NFASC: variants seen among roughly 807,000 people sequenced by gnomAD.
NFASC encodes neurofascin.
Under a neutral mutation model 147.5 loss-of-function variants are expected in NFASC, and 43 were observed. The ratio of observed to expected loss-of-function variants is 0.29; its 90% CI spans 0.23 to 0.38. NFASC has a LOEUF of 0.38. Among genes scored for constraint, NFASC ranks in the 10% least tolerant of loss-of-function variants. The pLI, the probability that NFASC is intolerant of heterozygous loss-of-function variation, is 1.00. For missense variants in NFASC, 1,320 were observed against 1,689.0 expected (o/e 0.78, Z 3.83); for synonymous variants, 622 against 665.5 (o/e 0.93, Z 1.01).
intron 10 of NFASC, among the ~76,000 whole-genome samples, chr1:204,969,430 C>T (rs1268815776): frequency 1.3e-5 from 2 of 152,212 alleles, no homozygotes; most frequent in Non-Finnish European, 2.9e-5. Flanking sequence ...ACTTCCTTCC[C>T]CCCAAAGCAA....
At chr1:204,867,628 C>T (rs535292462) in intron 1 of NFASC, among the ~76,000 whole-genome samples, 2 of 152,200 alleles carry the variant, frequency 1.3e-5, no homozygotes, top group South Asian at 4.2e-4. Context: ...GGTATACATG[C>T]ACATTTAGAC....
At position 204,906,728 on chromosome 1, in the gene NFASC, G is replaced by A. The variant is rs536759946; in HGVS notation, c.-199-13904G>A. Among the ~76,000 whole-genome samples the A allele has an allele frequency of 5.3e-5, 8 of 151,784 alleles. No homozygotes were observed. The East Asian group carries it at 7.7e-4, about 15-fold the overall frequency. On this transcript the variant is annotated intron_variant, in intron 1 of 29. Transcript: ENST00000339876. The stretch of plus-strand genomic sequence containing the variant: ...GATGGAGTCTCGCTCTGTTGCCCAG[G>A]CTGGAGTGCAGTGGCGCGATCTCGG...
chr1:205,002,745 A>G lies in NFASC; in HGVS notation c.3286A>G (p.Thr1096Ala), dbSNP rs769794404. ...TACCGTCATCACCTTTATGACCAGTACAGGTGAGAGGGGACCTGGCCTGGC... is the reference window on the plus strand; with the variant it reads ...TACCGTCATCACCTTTATGACCAGTGCAGGTGAGAGGGGACCTGGCCTGGC... ...SSTVITFMTS[T>A]AYTNNQADIA... The change falls in exon 27 of 30, where the codon ACA becomes GCA. Residue 1096 changes from threonine to alanine, a missense_variant. Around this residue, in one of 3 missense-constraint regions of NFASC, gnomAD observed 167 missense variants for 233.8 expected, o/e 0.71. Transcript: ENST00000339876. 1.3e-6 allele frequency: 2 copies of G among 1,499,030 alleles called. No individual in the cohort carries two copies. Among genetic ancestry groups the G allele is most frequent in the East Asian group, 4.8e-5 (2 of 41,364 alleles). The allele number at this position is 1,499,030 out of a possible 1,614,324, so 92.9% of individuals were successfully genotyped here. A position where few individuals can be genotyped will look rare whatever the true frequency, so the allele number is the denominator to read the frequency against.
At position 204,997,354 on chromosome 1, in the gene NFASC, C is replaced by T; in HGVS notation, c.2967C>T (p.Thr989=). The part of the protein sequence containing the change: ...TTTTTTAAAT[T]TTESPPTTTS... ...CTACAACCACTGCTGCCGCCACCAC[C>T]ACCACGGAGAGTCCTCCCACCACCA... The change falls in exon 25 of 30, where the codon ACC becomes ACT. Residue 989 remains threonine, a synonymous_variant. Coordinates refer to ENST00000339876, the MANE Select transcript of NFASC (RefSeq NM_001005388.3). 1 of 1,557,428 alleles carries T rather than the reference C, an allele frequency of 6.4e-7. No homozygotes were observed. The highest frequency in any genetic ancestry group is 8.7e-7 in the Non-Finnish European group (1 of 1,150,342).
At chr1:204,883,143 G>T (rs1558568770) in intron 1 of NFASC, among the ~76,000 whole-genome samples, 2 of 152,152 alleles carry the variant, frequency 1.3e-5, no homozygotes, top group Non-Finnish European at 2.9e-5. Flanking sequence ...ACACAGGATA[G>T]AATGGCACTG....
chr1:204,868,995 C>G (rs2077351529), intron 1 of NFASC, among the ~76,000 whole-genome samples: 1 of 152,208 alleles, frequency 6.6e-6, no homozygotes, highest in African/African-American at 2.4e-5. Flanking sequence ...AGTCTTAGGG[C>G]CAACGCCTTC....
rs780024598 is a variant in NFASC, at chr1:204,976,658, G to C, written c.1707-13G>C. On this transcript the variant is annotated splice_polypyrimidine_tract_variant and intron_variant, in intron 15 of 29. Transcript: ENST00000339876. ...TACCCCCTCCTCCCAACCCTTCCTC[G>C]GTACCTTTGCAGGATGAAGAAGGAA... is the stretch of plus-strand genomic sequence containing the variant. 6.2e-7 allele frequency: 1 copy of C among 1,602,300 alleles called. No individual in the cohort carries two copies. The highest frequency in any genetic ancestry group is 1.3e-5 in the African/African-American group (1 of 74,704).
At chr1:204,997,131 A>C in intron 24 of NFASC, 39 bp from the exon 25 acceptor site, 1 of 1,583,148 alleles carries the variant, frequency 6.3e-7, no homozygotes, top group Non-Finnish European at 8.6e-7. Context: ...GGGCACAGCC[A>C]AACCAACCAG....
chr1:204,993,740 C>G (rs762773583), intron 24 of NFASC: 3 of 515,822 alleles, frequency 5.8e-6, no homozygotes, highest in African/African-American at 5.8e-5. Context: ...GCTCCTATTG[C>G]GGCAGGAAAT....
intron 1 of NFASC, among the ~76,000 whole-genome samples, chr1:204,905,295 C>A (rs571450756): frequency 6.6e-6 from 1 of 152,016 alleles, no homozygotes; most frequent in African/African-American, 2.4e-5. Flanking sequence ...TCCTTAGAAG[C>A]TGCACTATTT....
chr1:204,957,321 C>G (rs12756968), intron 7 of NFASC, among the ~76,000 whole-genome samples: 104 of 152,278 alleles, frequency 6.8e-4, no homozygotes, highest in Middle Eastern at 6.8e-3. Context: ...GGTTTGTGTT[C>G]CTTCTGCTGG....
At chr1:204,917,124 G>T (rs1017254655) in intron 1 of NFASC, among the ~76,000 whole-genome samples, 1 of 152,164 alleles carries the variant, frequency 6.6e-6, no homozygotes, top group African/African-American at 2.4e-5. Context: ...GGCTGAAGTG[G>T]GAGGATCACT....
Position 204,968,746 on chromosome 1 carries a change from G to A in NFASC, c.819-52G>A. The A allele has an allele frequency of 6.4e-7, 1 of 1,555,988 alleles. No homozygotes were observed. Among genetic ancestry groups the A allele is most frequent in the Non-Finnish European group, 8.7e-7 (1 of 1,146,292 alleles). ...GGGTGTCCCCAGCTGTATAGAAGAGGAGAAAGGCCACGTTTAGTGATAACT... is the reference window on the plus strand; with the variant it reads ...GGGTGTCCCCAGCTGTATAGAAGAGAAGAAAGGCCACGTTTAGTGATAACT... On this transcript the variant is annotated intron_variant, in intron 9 of 29. Transcript: ENST00000339876. This position sits in a 1 kb window ranked among gnomAD's most constrained non-coding sequence, Gnocchi z 5.4.
chr1:205,009,686 C>G lies in NFASC; in HGVS notation c.3419C>G (p.Pro1140Arg). Residue 1140 changes from proline (P) to arginine (R), a missense_variant and splice_region_variant, in exon 28 of 30, where the codon CCA (proline) becomes CGA (arginine). By Grantham distance (103) the Pro-to-Arg change is moderately radical. Coordinates refer to ENST00000339876, the MANE Select transcript of NFASC (RefSeq NM_001005388.3). ...AAGAGGAGTCGCGGCGGCAAGTACC[C>G]AGGTGAGATGTGCAAGAGGCGTGGG... is the stretch of plus-strand genomic sequence containing the variant. ...FIKRSRGGKY[P>R]VREKKDVPLG... 1 of 1,613,714 alleles carries G rather than the reference C, an allele frequency of 6.2e-7. No individual in the cohort carries two copies. The highest frequency in any genetic ancestry group is 8.5e-7 in the Non-Finnish European group (1 of 1,179,876).
At chr1:205,005,359 G>C (rs191871494) in intron 27 of NFASC, among the ~76,000 whole-genome samples, 309 of 152,302 alleles carry the variant, frequency 2.0e-3, no homozygotes, top group African/African-American at 7.1e-3. Context: ...AGAGCTGTCT[G>C]CTTTGCAGGT....
chr1:204,933,352 G>T (rs1287313527), intron 2 of NFASC, among the ~76,000 whole-genome samples: 1 of 152,204 alleles, frequency 6.6e-6, no homozygotes, highest in African/African-American at 2.4e-5. Context: ...GGGCCTTGAT[G>T]CCTGGGTATG....
At chr1:204,913,892 C>CA (rs571860073) in intron 1 of NFASC, among the ~76,000 whole-genome samples, 81 of 107,720 alleles carry the variant, frequency 7.5e-4, no homozygotes, top group East Asian at 2.4e-3. Context: ...GACCCTGTCT[C>CA]AAAAAAAAAA....
intron 1 of NFASC, among the ~76,000 whole-genome samples, chr1:204,916,591 G>A (rs2089299608): frequency 6.6e-6 from 1 of 152,130 alleles, no homozygotes; most frequent in Non-Finnish European, 1.5e-5. Context: ...CTCTCATCTA[G>A]GTGAGGAAGG....
At chr1:204,980,842 G>A (rs540256507) in intron 20 of NFASC, among the ~76,000 whole-genome samples, 1 of 152,254 alleles carries the variant, frequency 6.6e-6, no homozygotes, top group Admixed American at 6.5e-5. Context: ...GAGATTTGTG[G>A]GAGCTGGGGA....
Sources: gnomAD v4.1 joint callset for allele counts (sites outside exome capture counted in the v4.1 genomes callset) on GRCh38, gnomAD v4.1.1 for gene constraint, gnomAD v4.1.1 regional missense constraint, Gnocchi (gnomAD v3.1) non-coding constraint, MANE v1.5 for transcripts, NCBI Gene and HGNC (gene_info 2026-07-23, HGNC 2026-07-21) for gene names.